FUCA1: variants seen among roughly 807,000 people sequenced by gnomAD.
FUCA1 encodes tissue alpha-L-fucosidase.
Under a neutral mutation model 56.8 loss-of-function variants are expected in FUCA1, and 52 were observed. That is an observed-to-expected ratio of 0.92 (90% CI 0.73 to 1.15). The LOEUF is 1.15. Ranked by LOEUF, FUCA1 falls within the 50% of genes most tolerant of loss-of-function variation. FUCA1 has a pLI of 0.00. For synonymous variants in FUCA1, 230 were observed against 226.6 expected (o/e 1.02, Z -0.14); for missense variants, 568 against 592.6 (o/e 0.96, Z 0.43).
intron 5 of FUCA1, among the ~76,000 whole-genome samples, chr1:23,849,270 G>T (rs558590775): frequency 6.6e-6 from 1 of 152,276 alleles, no homozygotes; most frequent in South Asian, 2.1e-4. Context: ...ACAAGCATGA[G>T]TCACCGCACC....
intron 2 of FUCA1, 94 bp downstream of exon 2, chr1:23,865,396 TG>T: frequency 6.5e-7 from 1 of 1,544,658 alleles, no homozygotes; most frequent in African/African-American, 1.4e-5. Context: ...ACTTGCTATA[TG>T]CAAACCTAGA....
chr1:23,848,784 G>A lies in FUCA1; in HGVS notation c.1025C>T (p.Thr342Ile). 6.2e-7 allele frequency: 1 copy of A among 1,614,156 alleles called. No individual in the cohort carries two copies. The highest frequency in any genetic ancestry group is 8.5e-7 in the Non-Finnish European group (1 of 1,179,994). ...GATGGGAACAATCAGTCCATCTTTA[G>A]TTGGTCCAATGTTCAGAAGATAGTT... ...GGNYLLNIGP[T>I]KDGLIVPIFQ... Residue 342 changes from threonine (T) to isoleucine (I), a missense_variant, in exon 6 of 8, where the codon ACT (threonine) becomes ATT (isoleucine). Transcript: ENST00000374479.
chr1:23,851,201 T>C (rs1175405524), intron 5 of FUCA1, among the ~76,000 whole-genome samples: 36 of 152,040 alleles, frequency 2.4e-4, no homozygotes, highest in Admixed American at 2.3e-3. Flanking sequence ...CTGTCTCTAC[T>C]AAAAACACAA....
At chr1:23,858,585 G>T (rs1353561450) in intron 4 of FUCA1, among the ~76,000 whole-genome samples, 1 of 152,166 alleles carries the variant, frequency 6.6e-6, no homozygotes, top group Non-Finnish European at 1.5e-5. Context: ...TTATAGGGAG[G>T]CGTACTGGGT....
At chr1:23,860,900 A>G (rs937479038) in intron 3 of FUCA1, among the ~76,000 whole-genome samples, 2 of 151,898 alleles carry the variant, frequency 1.3e-5, no homozygotes, top group African/African-American at 4.8e-5. Flanking sequence ...CGGCTTCGCA[A>G]AGTGCTGGGA....
At chr1:23,855,226 G>A (rs1203801361) in intron 4 of FUCA1, among the ~76,000 whole-genome samples, 1 of 152,138 alleles carries the variant, frequency 6.6e-6, no homozygotes, top group African/African-American at 2.4e-5. Flanking sequence ...TAACAGAGTG[G>A]CCAATACAAG....
At chr1:23,853,926 C>T (rs922401265) in intron 5 of FUCA1, among the ~76,000 whole-genome samples, 3 of 150,340 alleles carry the variant, frequency 2.0e-5, no homozygotes, top group Non-Finnish European at 4.5e-5. Flanking sequence ...ACAAACACTG[C>T]GGAAGGCCGC....
chr1:23,848,733 C>T lies in FUCA1; in HGVS notation c.1076G>A (p.Gly359Glu), dbSNP rs1393793214. 2 of 1,614,184 alleles carry T rather than the reference C, an allele frequency of 1.2e-6. No individual in the cohort carries two copies. The highest frequency in any genetic ancestry group is 3.3e-4 in the Middle Eastern group (2 of 6,062). The change falls in exon 6 of 8, where the codon GGG becomes GAG. Residue 359 changes from glycine to glutamate, a missense_variant. Gly to Glu is a moderately conservative substitution (Grantham distance 98). Coordinates refer to ENST00000374479, the MANE Select transcript of FUCA1 (RefSeq NM_000147.5). ...CTCCCCATTGATGCTCAGCCATTTC[C>T]CAACAGCAAGAAGCCTTTCTTGGAA... Reference protein sequence around the residue: ...PIFQERLLAVGKWLSINGEAI... With the variant: ...PIFQERLLAVEKWLSINGEAI...
At chr1:23,859,341 C>A (rs897036889) in intron 4 of FUCA1, among the ~76,000 whole-genome samples, 7 of 151,946 alleles carry the variant, frequency 4.6e-5, no homozygotes, top group African/African-American at 1.7e-4. Context: ...CCAAGGTGAG[C>A]GGATCACCAG....
chr1:23,858,193 C>T (rs1639433856), intron 4 of FUCA1, among the ~76,000 whole-genome samples: 1 of 151,880 alleles, frequency 6.6e-6, no homozygotes, highest in Non-Finnish European at 1.5e-5. Context: ...GCCTCCTGAG[C>T]AGCTGGGACT....
chr1:23,865,647 G>A, intron 1 of FUCA1, 22 bp from the exon 2 acceptor site: 1 of 1,614,178 alleles, frequency 6.2e-7, no homozygotes. Context: ...AAAACCACAT[G>A]AGCAAAGGAA....
At chr1:23,855,144 C>G (rs1449301093) in intron 4 of FUCA1, among the ~76,000 whole-genome samples, 1 of 151,764 alleles carries the variant, frequency 6.6e-6, no homozygotes, top group Non-Finnish European at 1.5e-5. Flanking sequence ...TTTCTTACTT[C>G]AAGGTTTAGC....
At chr1:23,863,100 A>G in intron 3 of FUCA1, 34 bp downstream of exon 3, 1 of 1,612,672 alleles carries the variant, frequency 6.2e-7, no homozygotes, top group Non-Finnish European at 8.5e-7. Flanking sequence ...TTCATTGATA[A>G]AAGTCATAGG....
At chr1:23,866,470 T>A (rs1639626900) in intron 1 of FUCA1, among the ~76,000 whole-genome samples, 1 of 152,200 alleles carries the variant, frequency 6.6e-6, no homozygotes. Context: ...CACTCAATAT[T>A]TAATTTGCTT....
At chr1:23,860,787 C>T (rs1486225972) in intron 3 of FUCA1, among the ~76,000 whole-genome samples, 2 of 151,382 alleles carry the variant, frequency 1.3e-5, no homozygotes, top group Non-Finnish European at 2.9e-5. Context: ...TACAGGTGTG[C>T]ACCACCATGC....
At chr1:23,849,231 C>G (rs1639207498) in intron 5 of FUCA1, among the ~76,000 whole-genome samples, 1 of 152,194 alleles carries the variant, frequency 6.6e-6, no homozygotes, top group African/African-American at 2.4e-5. Flanking sequence ...GGTGATCTGC[C>G]TGCCTTGGCC....
rs1639666528 is a variant in FUCA1, at chr1:23,868,216, G to A, written c.71C>T (p.Ala24Val). The A allele has an allele frequency of 6.3e-7, 1 of 1,588,684 alleles. No individual in the cohort carries two copies. Among genetic ancestry groups the A allele is most frequent in the Non-Finnish European group, 8.6e-7 (1 of 1,168,278 alleles). Residue 24 changes from alanine to valine, a missense_variant, in exon 1 of 8, where the codon GCG becomes GTG. Ala to Val is a moderately conservative substitution (Grantham distance 64, BLOSUM62 0). Transcript: ENST00000374479. ...ALLLLLLFLG[A>V]AESVRRAQPP... ...CTGGGCCCGACGCACCGACTCGGCCGCTCCGAGGAAGAGCAGCAGCAGCAA... is the reference window on the plus strand; with the variant it reads ...CTGGGCCCGACGCACCGACTCGGCCACTCCGAGGAAGAGCAGCAGCAGCAA...
rs1296455718 is a variant in FUCA1, at chr1:23,853,390, T to TG, written c.969+969dup. 8.2e-3 allele frequency among the ~76,000 whole-genome samples: 1,115 copies of TG among 135,558 alleles called. 21 individuals are homozygous for TG. Among genetic ancestry groups the TG allele is most frequent in the African/African-American group, 0.031 (1,033 of 33,620 alleles). 88.9% of individuals were successfully genotyped at this position (135,558 alleles called of 152,430 possible). A position where few individuals can be genotyped will look rare whatever the true frequency, so the allele number is the denominator to read the frequency against. ...CCAGCCGCCCCGTCCGGGAGGGAGG[T>TG]GGGGGGGTCAGCCCCCCGCCTGGCC... On this transcript the variant is annotated intron_variant, in intron 5 of 7. Transcript: ENST00000374479.
chr1:23,867,042 A>G lies in FUCA1; in HGVS notation c.389+856T>C, dbSNP rs72663299. Among the ~76,000 whole-genome samples, 2,353 of 152,312 alleles carry G rather than the reference A, an allele frequency of 0.015. 36 individuals are homozygous for G. Among genetic ancestry groups the G allele is most frequent in the Middle Eastern group, 0.034 (10 of 294 alleles). On this transcript the variant is annotated intron_variant, in intron 1 of 7. Transcript: ENST00000374479. The surrounding 1 kb of genome is among the most constrained non-coding windows in gnomAD (Gnocchi z 4.9). ...GCTGAGGAACCAAGGTAAGGATGGA[A>G]GACTGCTCTAAGCCAGGGGCTGGGG...
Sources: gnomAD v4.1 joint callset for allele counts (sites outside exome capture counted in the v4.1 genomes callset) on GRCh38, gnomAD v4.1.1 for gene constraint, Gnocchi (gnomAD v3.1) non-coding constraint, MANE v1.5 for transcripts, NCBI Gene and HGNC (gene_info 2026-07-23, HGNC 2026-07-21) for gene names.